Variants in ACSM3 observed in about 807,000 individuals in gnomAD.
ACSM3 encodes acyl-CoA synthetase medium chain family member 3.
In ACSM3, 61 loss-of-function variants were observed where a neutral mutation model predicts 74.1. The observed-to-expected ratio is 0.82, with a 90% confidence interval of 0.67 to 1.02. ACSM3 has a LOEUF of 1.02. Ranked by LOEUF, ACSM3 falls within the 50% of genes least tolerant of loss-of-function variation. ACSM3 has a pLI of 0.00. For synonymous variants in ACSM3, 213 were observed against 241.5 expected (o/e 0.88, Z 1.09); for missense variants, 660 against 697.0 (o/e 0.95, Z 0.60).
chr16:20,736,959 AC>A, intron 1 of ACSM3: 1 of 1,613,944 alleles, frequency 6.2e-7, no homozygotes, highest in South Asian at 1.1e-5. Flanking sequence ...TCCCTCATTT[AC>A]CACCTGTGGA....
At position 20,691,270 on chromosome 16, in the gene ACSM3, T is replaced by C. The variant is rs1180160006; in HGVS notation, c.-190+16448T>C. 1.2e-5 allele frequency: 15 copies of C among 1,220,424 alleles called. No homozygotes were observed. In the African/African-American group the frequency reaches 1.7e-4, roughly 14 times the overall value. The allele number at this position is 1,220,424 out of a possible 1,614,324, so 75.6% of individuals were successfully genotyped here. On this transcript the variant is annotated intron_variant, in intron 1 of 3. Transcript: ENST00000561584. ...GAAGAGATGGCTAATAGATTGGCTG[T>C]GTATCCAAAACTTTCTCCCTAAATT...
chr16:20,781,889 A>C, intron 7 of ACSM3, 102 bp downstream of exon 7: 1 of 866,904 alleles, frequency 1.2e-6, no homozygotes, highest in East Asian at 2.6e-5. Flanking sequence ...AAGCCAGTAG[A>C]CACAGGATTT....
chr16:20,697,009 C>T (rs1428072734), intron 1 of ACSM3, among the ~76,000 whole-genome samples: 1 of 152,156 alleles, frequency 6.6e-6, no homozygotes, highest in Non-Finnish European at 1.5e-5. Flanking sequence ...GAATGAAGTG[C>T]ACGGTAAGGA....
chr16:20,725,343 G>A (rs1039771802), intron 1 of ACSM3: 1 of 239,608 alleles, frequency 4.2e-6, no homozygotes. Flanking sequence ...TGACTTCTGT[G>A]TCTTTCTCCA....
chr16:20,747,920 C>A (rs1190059348), intron 1 of ACSM3, among the ~76,000 whole-genome samples: 1 of 152,144 alleles, frequency 6.6e-6, no homozygotes, highest in Non-Finnish European at 1.5e-5. Flanking sequence ...GCAGGTGGAT[C>A]GCTTGAGCTC....
At chr16:20,737,853 CT>C in intron 1 of ACSM3, 2 of 1,613,832 alleles carry the variant, frequency 1.2e-6, no homozygotes, top group Non-Finnish European at 1.7e-6. Flanking sequence ...CTAAAAAAGC[CT>C]TGCATGTGCC....
At position 20,777,590 on chromosome 16, in the gene ACSM3, C is replaced by T; in HGVS notation, c.638+10C>T. On this transcript the variant is annotated intron_variant, in intron 4 of 13. Coordinates refer to ENST00000289416, the MANE Select transcript of ACSM3 (RefSeq NM_005622.4). The stretch of plus-strand genomic sequence containing the variant: ...TCAAGGAGTTGATGAAGTGAGTAGC[C>T]ACACTTGTTGTAAAACAGCTTCCCA... 1 of 1,607,800 alleles carries T rather than the reference C, an allele frequency of 6.2e-7. No individual in the cohort carries two copies. The highest frequency in any genetic ancestry group is 1.3e-5 in the African/African-American group (1 of 74,872).
chr16:20,761,262 A>G (rs147780643), upstream of ACSM3, among the ~76,000 whole-genome samples: 1,040 of 152,294 alleles, frequency 6.8e-3, 15 homozygotes, highest in African/African-American at 0.024. Context: ...GTCTTTGCCT[A>G]TAACTTCTTT....
At chr16:20,706,243 C>CA (rs941764415) in intron 1 of ACSM3, among the ~76,000 whole-genome samples, 170 of 147,106 alleles carry the variant, frequency 1.2e-3, no homozygotes, top group African/African-American at 1.6e-3. Flanking sequence ...GGGAGAAATA[C>CA]AAAAAAAAAC....
intron 1 of ACSM3, chr16:20,685,387 G>T: frequency 2.5e-6 from 4 of 1,614,132 alleles, no homozygotes; most frequent in Non-Finnish European, 3.4e-6. Context: ...AGCTGGATTT[G>T]GACCTCTCTT....
At chr16:20,698,118 C>T (rs548868418) in intron 1 of ACSM3, among the ~76,000 whole-genome samples, 3 of 147,658 alleles carry the variant, frequency 2.0e-5, no homozygotes, top group African/African-American at 7.6e-5. Flanking sequence ...GGCGTGAACA[C>T]GGGAGGCGGA....
At chr16:20,684,192 T>G (rs1800536844) in intron 1 of ACSM3, among the ~76,000 whole-genome samples, 1 of 152,094 alleles carries the variant, frequency 6.6e-6, no homozygotes, top group African/African-American at 2.4e-5. Flanking sequence ...TAAATGAAAC[T>G]GACAGAAATA....
rs1190783259 is a variant in ACSM3, at chr16:20,781,714, T to C, written c.946T>C (p.Ser316Pro). Reference sequence around the variant, plus strand: ...TGCTTTTTCTAAATTGCAGACACTCTCCAAGTACCCCATCACAGTCTTCTG... The same window carrying C: ...TGCTTTTTCTAAATTGCAGACACTCCCCAAGTACCCCATCACAGTCTTCTG... ...FEPTSILQTL[S>P]KYPITVFCSA... is the part of the protein sequence containing the mutation. The change falls in exon 7 of 14, where the codon TCC (serine) becomes CCC (proline). Residue 316 changes from serine (S) to proline (P), a missense_variant. Ser to Pro is a moderately conservative substitution (Grantham distance 74, BLOSUM62 -1). Transcript: ENST00000289416. 1.2e-6 allele frequency: 2 copies of C among 1,612,202 alleles called. No individual in the cohort carries two copies. Among genetic ancestry groups the C allele is most frequent in the Non-Finnish European group, 1.7e-6 (2 of 1,178,394 alleles).
intron 1 of ACSM3, among the ~76,000 whole-genome samples, chr16:20,700,533 T>C (rs966890765): frequency 1.1e-4 from 17 of 151,914 alleles, no homozygotes; most frequent in Non-Finnish European, 2.5e-4. Flanking sequence ...GTGCAAAGCC[T>C]GAGGCTGACA....
intron 1 of ACSM3, among the ~76,000 whole-genome samples, chr16:20,740,623 G>T (rs2079909106): frequency 6.6e-6 from 1 of 152,090 alleles, no homozygotes; most frequent in Non-Finnish European, 1.5e-5. Flanking sequence ...ATCAAATAAT[G>T]TGCCCATGTC....
chr16:20,682,532 T>C (rs952965758), intron 1 of ACSM3: 5 of 1,309,300 alleles, frequency 3.8e-6, no homozygotes, highest in Non-Finnish European at 5.5e-6. Flanking sequence ...ACTTGGCTTG[T>C]CTGCATCGAA....
intron 4 of ACSM3, among the ~76,000 whole-genome samples, chr16:20,779,545 G>A (rs2080307138): frequency 6.6e-6 from 1 of 152,096 alleles, no homozygotes; most frequent in Admixed American, 6.6e-5. Context: ...ATAAGTCTGT[G>A]TGCATCTTAG....
chr16:20,698,159 A>G (rs1044041434), intron 1 of ACSM3, among the ~76,000 whole-genome samples: 3 of 148,452 alleles, frequency 2.0e-5, no homozygotes, highest in African/African-American at 7.5e-5. Context: ...ATGCCACTGC[A>G]CTCCAGCCTG....
chr16:20,792,358 A>G (rs2080621583), intron 12 of ACSM3, 23 bp downstream of exon 12: 1 of 1,612,862 alleles, frequency 6.2e-7, no homozygotes, highest in Non-Finnish European at 8.5e-7. Context: ...ATTCATGTCA[A>G]CTTTATAATT....
Sources: gnomAD v4.1 joint callset for allele counts (sites outside exome capture counted in the v4.1 genomes callset) on GRCh38, gnomAD v4.1.1 for gene constraint, MANE v1.5 for transcripts, NCBI Gene and HGNC (gene_info 2026-07-23, HGNC 2026-07-21) for gene names.